The following SPSB1 variants were observed in gnomAD, a reference collection of about 807,000 sequenced individuals.
The protein encoded by SPSB1 is SPRY domain-containing SOCS box protein 1.
Under a neutral mutation model 21.2 loss-of-function variants are expected in SPSB1, and 8 were observed. That is an observed-to-expected ratio of 0.38 (90% CI 0.22 to 0.68). The LOEUF is 0.68. Among genes scored for constraint, SPSB1 ranks in the 30% least tolerant of loss-of-function variants. The pLI, the probability that SPSB1 is intolerant of heterozygous loss-of-function variation, is 0.53. For synonymous variants in SPSB1, 169 were observed against 161.7 expected (o/e 1.05, Z -0.34); for missense variants, 242 against 377.8 (o/e 0.64, Z 2.98).
At chr1:9,322,978 C>T (rs1639745587) in intron 1 of SPSB1, among the ~76,000 whole-genome samples, 1 of 152,110 alleles carries the variant, frequency 6.6e-6, no homozygotes, top group Admixed American at 6.5e-5. Flanking sequence ...TAGGTCACTC[C>T]CTTCCCGTGC....
At chr1:9,349,966 C>A (rs1640229929) in intron 1 of SPSB1, among the ~76,000 whole-genome samples, 1 of 151,880 alleles carries the variant, frequency 6.6e-6, no homozygotes, top group Non-Finnish European at 1.5e-5. Flanking sequence ...GCCACACACG[C>A]AGACACAGGC....
rs1557445332 is a variant in SPSB1, at chr1:9,305,092, C to T, written c.-150+12021C>T. On this transcript the variant is annotated intron_variant, in intron 1 of 2. Coordinates refer to ENST00000328089, the MANE Select transcript of SPSB1 (RefSeq NM_025106.4). This position sits in a 1 kb window ranked among gnomAD's most constrained non-coding sequence, Gnocchi z 4.8. ...AGGGGCCTCTCCCACTTCTCCCTCT[C>T]GCCCTTGTGGCCCATCTGCCCCCTC... Among the ~76,000 whole-genome samples, 4 of 152,152 alleles carry T rather than the reference C, an allele frequency of 2.6e-5. No homozygotes were observed. Among genetic ancestry groups the T allele is most frequent in the South Asian group, 4.1e-4 (2 of 4,834 alleles).
chr1:9,351,986 C>T (rs1279518745), intron 1 of SPSB1, among the ~76,000 whole-genome samples: 1 of 152,238 alleles, frequency 6.6e-6, no homozygotes, highest in Non-Finnish European at 1.5e-5. Context: ...GAAAACGCCC[C>T]ACCCTCTTTC....
intron 1 of SPSB1, among the ~76,000 whole-genome samples, chr1:9,343,968 A>T (rs1332652094): frequency 1.3e-5 from 2 of 151,814 alleles, no homozygotes; most frequent in African/African-American, 4.8e-5. Context: ...TGTATTTTTA[A>T]AAGTAGAGAT....
intron 1 of SPSB1, among the ~76,000 whole-genome samples, chr1:9,318,282 T>C (rs1002106136): frequency 1.3e-5 from 2 of 152,246 alleles, no homozygotes; most frequent in Admixed American, 6.5e-5. Context: ...CTTGGGTCTC[T>C]GCCCACCCAC....
At chr1:9,353,324 C>G (rs1457787465) in intron 1 of SPSB1, among the ~76,000 whole-genome samples, 2 of 152,118 alleles carry the variant, frequency 1.3e-5, no homozygotes, top group Admixed American at 6.5e-5. Context: ...GCTCTCTCCC[C>G]CTTCCCTCCC....
chr1:9,317,283 G>C lies in SPSB1; in HGVS notation c.-150+24212G>C, dbSNP rs1639631849. Reference sequence around the variant, plus strand: ...TGGAGAGGGAGGAGGAAGGGAAGAAGGGAATAAATGTCACTGGCGGAAGGT... The same window carrying C: ...TGGAGAGGGAGGAGGAAGGGAAGAACGGAATAAATGTCACTGGCGGAAGGT... On this transcript the variant is annotated intron_variant, in intron 1 of 2. Transcript: ENST00000328089. This position sits in a 1 kb window ranked among gnomAD's most constrained non-coding sequence, Gnocchi z 4.3. Among the ~76,000 whole-genome samples the C allele has an allele frequency of 6.6e-6, 1 of 152,094 alleles. No individual in the cohort carries two copies. The highest frequency in any genetic ancestry group is 1.5e-5 in the Non-Finnish European group (1 of 68,008).
chr1:9,365,504 G>T (rs1640553210), intron 2 of SPSB1, among the ~76,000 whole-genome samples: 1 of 152,318 alleles, frequency 6.6e-6, no homozygotes, highest in African/African-American at 2.4e-5. Flanking sequence ...GCTTTACTGA[G>T]CTATAATTCA....
chr1:9,317,417 A>G lies in SPSB1; in HGVS notation c.-150+24346A>G, dbSNP rs763619871. Among the ~76,000 whole-genome samples the G allele has an allele frequency of 1.3e-5, 2 of 152,332 alleles. No individual in the cohort carries two copies. Among genetic ancestry groups the G allele is most frequent in the South Asian group, 2.1e-4 (1 of 4,826 alleles). ...TCTGACTCCAGGATTTGGTTTAGGT[A>G]TCTGGGAGAAGGGGTGTGGGGGCGT... is the stretch of plus-strand genomic sequence containing the variant. On this transcript the variant is annotated intron_variant, in intron 1 of 2. Coordinates refer to ENST00000328089, the MANE Select transcript of SPSB1 (RefSeq NM_025106.4). This position sits in a 1 kb window ranked among gnomAD's most constrained non-coding sequence, Gnocchi z 4.3.
chr1:9,329,704 C>CAAAAAAAAAAAA (rs370850231), intron 1 of SPSB1, among the ~76,000 whole-genome samples: 1 of 87,056 alleles, frequency 1.1e-5, no homozygotes, highest in Non-Finnish European at 2.8e-5. Context: ...AAAACAACAA[C>CAAAAAAAAAAAA]AAAAAAAAAA....
At chr1:9,315,409 G>A (rs974430791) in intron 1 of SPSB1, among the ~76,000 whole-genome samples, 2 of 152,264 alleles carry the variant, frequency 1.3e-5, no homozygotes, top group Non-Finnish European at 1.5e-5. Flanking sequence ...TTCTTGTGTC[G>A]TTGTCTCACG....
intron 1 of SPSB1, among the ~76,000 whole-genome samples, chr1:9,329,424 G>C (rs923593353): frequency 6.6e-5 from 10 of 152,104 alleles, no homozygotes; most frequent in African/African-American, 2.4e-4. Context: ...GGTCAGGTGA[G>C]AGGATCCGAG....
At chr1:9,303,517 T>G (rs1446279843) in intron 1 of SPSB1, among the ~76,000 whole-genome samples, 3 of 152,256 alleles carry the variant, frequency 2.0e-5, no homozygotes, top group African/African-American at 7.2e-5. Flanking sequence ...CAAATATCTG[T>G]TTTCTTTCCT....
At position 9,317,027 on chromosome 1, in the gene SPSB1, C is replaced by T. The variant is rs150750508; in HGVS notation, c.-150+23956C>T. Reference sequence around the variant, plus strand: ...CTTCCTGCTTCCAAGTGGAAACACACGGTGGAATTTAGAATCCTTAACCTG... The same window carrying T: ...CTTCCTGCTTCCAAGTGGAAACACATGGTGGAATTTAGAATCCTTAACCTG... On this transcript the variant is annotated intron_variant, in intron 1 of 2. Transcript: ENST00000328089. This position sits in a 1 kb window ranked among gnomAD's most constrained non-coding sequence, Gnocchi z 4.3. 2.0e-4 allele frequency among the ~76,000 whole-genome samples: 30 copies of T among 152,302 alleles called. No individual in the cohort carries two copies. The highest frequency in any genetic ancestry group is 3.4e-3 in the Middle Eastern group (1 of 294).
At position 9,363,646 on chromosome 1, in the gene SPSB1, CAAAAT is replaced by C. The variant is rs1294265668; in HGVS notation, c.695-3799_695-3795del. Among the ~76,000 whole-genome samples the C allele has an allele frequency of 2.0e-5, 3 of 152,106 alleles. No homozygotes were observed. Among genetic ancestry groups the C allele is most frequent in the Non-Finnish European group, 4.4e-5 (3 of 68,012 alleles). On this transcript the variant is annotated intron_variant, in intron 2 of 2. Transcript: ENST00000328089. The surrounding 1 kb of genome is among the most constrained non-coding windows in gnomAD (Gnocchi z 4.5). ...GGCTGGGGCTGCGGTGTCAGCCACT[CAAAAT>C]AAGGCACTGGATGGAGCTGGGGGCT...
chr1:9,334,882 G>A (rs184706105), intron 1 of SPSB1, among the ~76,000 whole-genome samples: 4 of 152,266 alleles, frequency 2.6e-5, no homozygotes, highest in East Asian at 3.9e-4. Flanking sequence ...ATGTCCTTCC[G>A]TGTTAAGGCT....
chr1:9,341,998 A>C (rs1321808905), intron 1 of SPSB1, among the ~76,000 whole-genome samples: 1 of 152,234 alleles, frequency 6.6e-6, no homozygotes, highest in Non-Finnish European at 1.5e-5. Flanking sequence ...CACCACGCCC[A>C]GCCTAGTTGG....
intron 1 of SPSB1, among the ~76,000 whole-genome samples, chr1:9,343,942 C>T (rs1030601043): frequency 4.6e-5 from 7 of 152,100 alleles, no homozygotes; most frequent in East Asian, 1.9e-4. Flanking sequence ...CCTGCCACCA[C>T]GCCTGGCTAA....
intron 1 of SPSB1, among the ~76,000 whole-genome samples, chr1:9,316,328 CTG>C (rs1457305239): frequency 5.3e-5 from 8 of 152,176 alleles, no homozygotes; most frequent in African/African-American, 1.9e-4. Flanking sequence ...GCATGCTAGA[CTG>C]TGCTAGGGCA....
Sources: allele counts gnomAD v4.1 joint callset (sites outside exome capture counted in the v4.1 genomes callset), GRCh38; gene constraint gnomAD v4.1.1; non-coding constraint Gnocchi (gnomAD v3.1); transcripts MANE v1.5; gene names NCBI Gene and HGNC (gene_info 2026-07-23, HGNC 2026-07-21).